CLSTN2: variants seen among roughly 807,000 people sequenced by gnomAD.
The protein encoded by CLSTN2 is calsyntenin-2.
Under a neutral mutation model 101.2 loss-of-function variants are expected in CLSTN2, and 48 were observed. That is an observed-to-expected ratio of 0.47 (90% CI 0.38 to 0.60). The LOEUF (loss-of-function observed/expected upper bound fraction) is 0.60. Ranked by LOEUF, CLSTN2 falls within the 20% of genes least tolerant of loss-of-function variation. The pLI is 0.00. For synonymous variants in CLSTN2, 481 were observed against 463.6 expected (o/e 1.04, Z -0.48); for missense variants, 1,160 against 1,238.2 (o/e 0.94, Z 0.95).
At chr3:140,130,101 C>T (rs1052426851) in intron 1 of CLSTN2, among the ~76,000 whole-genome samples, 1 of 152,194 alleles carries the variant, frequency 6.6e-6, no homozygotes, top group Admixed American at 6.5e-5. Context: ...TGCAATGTGA[C>T]AGCCTCTAAC....
intron 8 of CLSTN2, among the ~76,000 whole-genome samples, chr3:140,478,635 G>T (rs1365030571): frequency 6.6e-6 from 1 of 152,128 alleles, no homozygotes; most frequent in African/African-American, 2.4e-5. Context: ...TAATGGAAAT[G>T]TTCTAAAACT....
intron 1 of CLSTN2, among the ~76,000 whole-genome samples, chr3:140,161,378 G>T (rs927406081): frequency 6.6e-6 from 1 of 152,048 alleles, no homozygotes; most frequent in Non-Finnish European, 1.5e-5. Context: ...CTCCAACCAG[G>T]TTGCAAAAGA....
chr3:140,083,275 C>A (rs2008628894), intron 1 of CLSTN2, among the ~76,000 whole-genome samples: 2 of 152,298 alleles, frequency 1.3e-5, no homozygotes, highest in South Asian at 4.1e-4. Context: ...GACACAGTGG[C>A]AAGTCTACTA....
At chr3:140,476,991 C>T (rs371615654) in intron 8 of CLSTN2, among the ~76,000 whole-genome samples, 109 of 152,240 alleles carry the variant, frequency 7.2e-4, no homozygotes, top group African/African-American at 2.5e-3. Flanking sequence ...AAGATCACCT[C>T]GCTCCTGAGG....
chr3:140,478,909 A>T (rs1379513288), intron 8 of CLSTN2, among the ~76,000 whole-genome samples: 1 of 151,450 alleles, frequency 6.6e-6, no homozygotes, highest in East Asian at 2.0e-4. Flanking sequence ...GAAGGAAGGG[A>T]GGCAGGCATA....
intron 1 of CLSTN2, among the ~76,000 whole-genome samples, chr3:139,993,741 C>T (rs572963510): frequency 2.1e-4 from 32 of 152,296 alleles, no homozygotes; most frequent in Admixed American, 2.0e-3. Context: ...CCTGACTTTG[C>T]CATAAACCAC....
At chr3:140,408,312 C>T (rs1179366588) in intron 4 of CLSTN2, among the ~76,000 whole-genome samples, 1 of 152,180 alleles carries the variant, frequency 6.6e-6, no homozygotes, top group African/African-American at 2.4e-5. Context: ...TCACCCCACC[C>T]CATATAGCTA....
At chr3:139,971,615 A>G (rs571205793) in intron 1 of CLSTN2, among the ~76,000 whole-genome samples, 1 of 152,348 alleles carries the variant, frequency 6.6e-6, no homozygotes, top group Admixed American at 6.5e-5. Context: ...GAATGAGTCT[A>G]TATCCAAGTG....
At chr3:140,332,314 G>A (rs2087391091) in intron 2 of CLSTN2, among the ~76,000 whole-genome samples, 1 of 152,166 alleles carries the variant, frequency 6.6e-6, no homozygotes. Flanking sequence ...CAAACTGGAG[G>A]CAGGAAAAAA....
intron 1 of CLSTN2, among the ~76,000 whole-genome samples, chr3:139,940,630 C>A (rs1935110825): frequency 6.6e-6 from 1 of 152,070 alleles, no homozygotes; most frequent in Non-Finnish European, 1.5e-5. Flanking sequence ...CTCAGTCTCT[C>A]TCTGCCTCTC....
At chr3:140,016,915 G>A (rs1345791364) in intron 1 of CLSTN2, among the ~76,000 whole-genome samples, 2 of 152,114 alleles carry the variant, frequency 1.3e-5, no homozygotes, top group Non-Finnish European at 2.9e-5. Flanking sequence ...GTCAAAGTAG[G>A]CTATTAGTAG....
At chr3:140,513,599 T>TTTG (rs1553750575) in intron 8 of CLSTN2, among the ~76,000 whole-genome samples, 7 of 148,544 alleles carry the variant, frequency 4.7e-5, no homozygotes, top group Non-Finnish European at 7.4e-5. Flanking sequence ...TTTTTTTTTT[T>TTTG]TGGGTGTGTG....
chr3:140,047,254 G>A (rs2107766579), intron 1 of CLSTN2, among the ~76,000 whole-genome samples: 1 of 152,252 alleles, frequency 6.6e-6, no homozygotes, highest in Admixed American at 6.5e-5. Context: ...TCAATTTTGT[G>A]TATCTTTACA....
intron 4 of CLSTN2, among the ~76,000 whole-genome samples, chr3:140,409,769 A>G (rs1443573131): frequency 3.3e-5 from 5 of 152,188 alleles, no homozygotes; most frequent in Non-Finnish European, 5.9e-5. Context: ...AAACTCAGTG[A>G]TCTACAAGAG....
intron 8 of CLSTN2, among the ~76,000 whole-genome samples, chr3:140,471,257 C>A (rs1933840927): frequency 6.6e-6 from 1 of 152,184 alleles, no homozygotes; most frequent in African/African-American, 2.4e-5. Context: ...CCCCTCCTGG[C>A]TTTAATATCA....
At chr3:140,084,409 G>A (rs1034374198) in intron 1 of CLSTN2, among the ~76,000 whole-genome samples, 20 of 152,188 alleles carry the variant, frequency 1.3e-4, no homozygotes, top group African/African-American at 4.8e-4. Flanking sequence ...CCCTGTATGA[G>A]CTCTGGAAAG....
chr3:140,115,105 C>T (rs2009219364), intron 1 of CLSTN2, among the ~76,000 whole-genome samples: 1 of 152,118 alleles, frequency 6.6e-6, no homozygotes, highest in Non-Finnish European at 1.5e-5. Flanking sequence ...AAACAATAGC[C>T]CAGTTTATAG....
chr3:139,968,199 CA>C (rs1440337791), intron 1 of CLSTN2, among the ~76,000 whole-genome samples: 37 of 152,108 alleles, frequency 2.4e-4, no homozygotes, highest in Admixed American at 2.4e-3. Context: ...AACTGGAAGC[CA>C]GAATTAACCA....
chr3:140,121,937 A>G (rs1390202277), intron 1 of CLSTN2, among the ~76,000 whole-genome samples: 2 of 152,160 alleles, frequency 1.3e-5, no homozygotes, highest in Non-Finnish European at 2.9e-5. Context: ...GAGAAAACCA[A>G]TTCTCATTAA....
Sources: allele counts gnomAD v4.1 joint callset (sites outside exome capture counted in the v4.1 genomes callset), GRCh38; gene constraint gnomAD v4.1.1; transcripts MANE v1.5; gene names NCBI Gene and HGNC (gene_info 2026-07-23, HGNC 2026-07-21).